GRIA1: variants seen among roughly 807,000 people sequenced by gnomAD.
The protein encoded by GRIA1 is glutamate ionotropic receptor AMPA type subunit 1, also known as glutamate receptor 1.
A neutral mutation model predicts 99.2 loss-of-function variants in GRIA1; 31 were observed. The ratio of observed to expected loss-of-function variants is 0.31; its 90% CI spans 0.23 to 0.42. The LOEUF (loss-of-function observed/expected upper bound fraction) is 0.42. Among genes scored for constraint, GRIA1 ranks in the 10% least tolerant of loss-of-function variants. GRIA1 has a pLI of 1.00. For synonymous variants in GRIA1, 438 were observed against 432.4 expected (o/e 1.01, Z -0.16); for missense variants, 782 against 1,157.5 (o/e 0.68, Z 4.71).
intron 2 of GRIA1, among the ~76,000 whole-genome samples, chr5:153,590,730 T>C (rs1763899084): frequency 6.6e-6 from 1 of 152,210 alleles, no homozygotes; most frequent in African/African-American, 2.4e-5. Context: ...TTTTACCTCT[T>C]CAAAACTGTT....
intron 2 of GRIA1, among the ~76,000 whole-genome samples, chr5:153,547,760 T>C (rs2113524890): frequency 6.6e-6 from 1 of 152,260 alleles, no homozygotes; most frequent in African/African-American, 2.4e-5. Context: ...AGCTCAGACC[T>C]GTGGAAGAAC....
At chr5:153,749,986 G>A (rs1762406663) in intron 11 of GRIA1, among the ~76,000 whole-genome samples, 1 of 152,224 alleles carries the variant, frequency 6.6e-6, no homozygotes, top group African/African-American at 2.4e-5. Context: ...CTCACCCCCA[G>A]AGTCCAGGGC....
At position 153,596,130 on chromosome 5, in the gene GRIA1, A is replaced by G. The variant is rs888349007; in HGVS notation, c.221-50798A>G. 2.0e-5 allele frequency among the ~76,000 whole-genome samples: 3 copies of G among 152,228 alleles called. No individual in the cohort carries two copies. The East Asian group carries it at 5.8e-4, about 29-fold the overall frequency. On this transcript the variant is annotated intron_variant, in intron 2 of 15. Coordinates refer to ENST00000285900, the MANE Select transcript of GRIA1 (RefSeq NM_000827.4). ...TGGCCTGAGTGATCAATTTGGATGC[A>G]TCCATCATGGCTGGCATCCCAGAAA...
intron 2 of GRIA1, among the ~76,000 whole-genome samples, chr5:153,628,758 T>C (rs1767872796): frequency 6.6e-6 from 1 of 152,202 alleles, no homozygotes; most frequent in South Asian, 2.1e-4. Flanking sequence ...TTCTATACAA[T>C]AGAGCAAATT....
rs142296538 is a variant in GRIA1 at position 153,731,262 on chromosome 5, C to T, written c.1823+25195C>T. Reference sequence around the variant, plus strand: ...TCTCTCTCCATCTTCATCTCTTTCTCCTATATTCTGGCCTCTTGTGATCTG... The same window carrying T: ...TCTCTCTCCATCTTCATCTCTTTCTTCTATATTCTGGCCTCTTGTGATCTG... On this transcript the variant is annotated intron_variant, in intron 11 of 15. Coordinates refer to ENST00000285900, the MANE Select transcript of GRIA1 (RefSeq NM_000827.4). 1.5e-4 allele frequency among the ~76,000 whole-genome samples: 23 copies of T among 151,480 alleles called. 1 individual carries two copies. The highest frequency in any genetic ancestry group is 2.8e-4 in the Non-Finnish European group (19 of 67,770).
rs137999533 is a variant in GRIA1, at chr5:153,749,332, T to A, written c.1824-15102T>A. Reference sequence around the variant, plus strand: ...AACTGAGGCTTAGAGAGAGTCCTATTCCATTTGTGTTGCTATAAAGGCTTA... The same window carrying A: ...AACTGAGGCTTAGAGAGAGTCCTATACCATTTGTGTTGCTATAAAGGCTTA... On this transcript the variant is annotated intron_variant, in intron 11 of 15. Coordinates refer to ENST00000285900, the MANE Select transcript of GRIA1 (RefSeq NM_000827.4). Among the ~76,000 whole-genome samples the A allele has an allele frequency of 3.9e-3, 587 of 152,236 alleles. 8 individuals are homozygous for A. Among genetic ancestry groups the A allele is most frequent in the African/African-American group, 0.013 (553 of 41,520 alleles).
chr5:153,701,739 G>C (rs1486904533), intron 10 of GRIA1, among the ~76,000 whole-genome samples: 2 of 150,908 alleles, frequency 1.3e-5, no homozygotes, highest in Admixed American at 6.6e-5. Context: ...GAAGAACCAA[G>C]TGATTTGGAG....
chr5:153,653,473 G>A (rs1403129232), intron 4 of GRIA1, among the ~76,000 whole-genome samples: 4 of 152,240 alleles, frequency 2.6e-5, no homozygotes, highest in Non-Finnish European at 1.5e-5. Context: ...TGGGGAGTCA[G>A]TGAAGGTTTG....
chr5:153,566,304 CTTT>C lies in GRIA1; in HGVS notation c.220+72253_220+72255del, dbSNP rs55872840. ...GAGAAATAGCTCTCCAATTCCCTGC[CTTT>C]TTTTTTTTTTTTTCCAGAGACAGAG... On this transcript the variant is annotated intron_variant, in intron 2 of 15. Transcript: ENST00000285900. Among the ~76,000 whole-genome samples, 3 of 36,554 alleles carry C rather than the reference CTTT, an allele frequency of 8.2e-5. 1 individual carries two copies. The highest frequency in any genetic ancestry group is 5.2e-4 in the Admixed American group (1 of 1,918). 24.0% of individuals were successfully genotyped at this position (36,554 alleles called of 152,430 possible). A position where few individuals can be genotyped will look rare whatever the true frequency, so the allele number is the denominator to read the frequency against.
Position 153,677,113 on chromosome 5 carries a change from A to G in GRIA1, c.981A>G (p.Pro327=), listed in dbSNP as rs1157754866. The G allele has an allele frequency of 6.4e-7, 1 of 1,573,364 alleles. No individual in the cohort carries two copies. The highest frequency in any genetic ancestry group is 1.2e-5 in the South Asian group (1 of 85,536). The part of the protein sequence containing the change: ...RGNAGDCLAN[P]AVPWGQGIDI... Reference sequence around the variant, plus strand: ...ATGCTGGGGATTGTCTGGCTAACCCAGCTGTTCCCTGGGGCCAAGGGATCG... The same window carrying G: ...ATGCTGGGGATTGTCTGGCTAACCCGGCTGTTCCCTGGGGCCAAGGGATCG... Residue 327 remains proline, a synonymous_variant, in exon 7 of 16, where the codon CCA becomes CCG. Transcript: ENST00000285900.
At chr5:153,736,986 G>A (rs1029293624) in intron 11 of GRIA1, among the ~76,000 whole-genome samples, 1 of 152,166 alleles carries the variant, frequency 6.6e-6, no homozygotes, top group Non-Finnish European at 1.5e-5. Context: ...GATCATTAGA[G>A]AATGGTGCTC....
chr5:153,598,344 A>C (rs1490674824), intron 2 of GRIA1, among the ~76,000 whole-genome samples: 4 of 152,142 alleles, frequency 2.6e-5, no homozygotes, highest in Non-Finnish European at 5.9e-5. Context: ...GTTCAGTTAA[A>C]TTATGGGTTG....
At chr5:153,553,054 T>G (rs191549778) in intron 2 of GRIA1, among the ~76,000 whole-genome samples, 1 of 152,318 alleles carries the variant, frequency 6.6e-6, no homozygotes, top group African/African-American at 2.4e-5. Flanking sequence ...CATGAGTCAC[T>G]GCATCTAGCC....
intron 2 of GRIA1, among the ~76,000 whole-genome samples, chr5:153,611,101 T>A (rs1250698261): frequency 6.6e-6 from 1 of 152,200 alleles, no homozygotes; most frequent in African/African-American, 2.4e-5. Flanking sequence ...GATTCTGATT[T>A]AGTAGATTTG....
At chr5:153,710,332 C>T (rs35917034) in intron 11 of GRIA1, among the ~76,000 whole-genome samples, 13,772 of 152,092 alleles carry the variant, frequency 0.091, 797 homozygotes, top group Non-Finnish European at 0.12. Flanking sequence ...AAGCCATCCT[C>T]CTACCTCAGC....
At chr5:153,647,882 G>T (rs1754272230) in intron 3 of GRIA1, among the ~76,000 whole-genome samples, 1 of 152,070 alleles carries the variant, frequency 6.6e-6, no homozygotes, top group African/African-American at 2.4e-5. Context: ...ATTTACATCT[G>T]TAAATCCTTC....
chr5:153,810,862 T>C (rs1359100014), intron 15 of GRIA1, among the ~76,000 whole-genome samples, 163 bp from the exon 16 acceptor site: 2 of 152,202 alleles, frequency 1.3e-5, no homozygotes, highest in Non-Finnish European at 2.9e-5. Context: ...AGCCAAGTGA[T>C]AGTTTTCTGT....
intron 2 of GRIA1, among the ~76,000 whole-genome samples, chr5:153,551,682 G>C (rs1292787189): frequency 6.6e-6 from 1 of 152,118 alleles, no homozygotes; most frequent in Non-Finnish European, 1.5e-5. Flanking sequence ...TTTTGCTGTA[G>C]TACATTCTTG....
At chr5:153,719,076 G>A (rs1161793233) in intron 11 of GRIA1, among the ~76,000 whole-genome samples, 1 of 147,656 alleles carries the variant, frequency 6.8e-6, no homozygotes, top group East Asian at 1.9e-4. Flanking sequence ...GTTTCTTTGA[G>A]GTCAGCATTA....
Sources: gnomAD v4.1 joint callset for allele counts (sites outside exome capture counted in the v4.1 genomes callset) on GRCh38, gnomAD v4.1.1 for gene constraint, MANE v1.5 for transcripts, NCBI Gene and HGNC (gene_info 2026-07-23, HGNC 2026-07-21) for gene names.